The following KCNIP4 variants were observed in gnomAD, a reference collection of about 807,000 sequenced individuals.
The protein encoded by KCNIP4 is potassium voltage-gated channel interacting protein 4.
A neutral mutation model predicts 34.0 loss-of-function variants in KCNIP4; 12 were observed. The observed-to-expected ratio is 0.35, with a 90% confidence interval of 0.23 to 0.57. The LOEUF (loss-of-function observed/expected upper bound fraction) is 0.57, where lower values mean the gene tolerates loss of function less well. Among genes scored for constraint, KCNIP4 ranks in the 20% least tolerant of loss-of-function variants. The pLI is 0.83. For missense variants in KCNIP4, 238 were observed against 311.7 expected (o/e 0.76, Z 1.78); for synonymous variants, 124 against 102.2 (o/e 1.21, Z -1.29).
chr4:21,534,309 A>T (rs1040665549), intron 1 of KCNIP4, among the ~76,000 whole-genome samples: 4 of 152,220 alleles, frequency 2.6e-5, no homozygotes, highest in Non-Finnish European at 4.4e-5. Flanking sequence ...CTAGAAGAGC[A>T]TATCAGTAAT....
chr4:21,316,141 A>G (rs1386852493), intron 1 of KCNIP4: 2 of 152,126 alleles, frequency 1.3e-5, no homozygotes, highest in East Asian at 3.9e-4. Context: ...GACAAGATTA[A>G]CCCCTTCTTC....
chr4:21,428,826 AT>A (rs1726157371), intron 1 of KCNIP4, among the ~76,000 whole-genome samples: 1 of 152,268 alleles, frequency 6.6e-6, no homozygotes, highest in African/African-American at 2.4e-5. Context: ...AATAGACTTT[AT>A]TTTTTAGAGA....
intron 3 of KCNIP4, among the ~76,000 whole-genome samples, chr4:20,765,433 G>A (rs925666914): frequency 6.6e-6 from 1 of 152,142 alleles, no homozygotes; most frequent in Non-Finnish European, 1.5e-5. Context: ...TCAAAATTGG[G>A]ATCACCGATT....
intron 1 of KCNIP4, among the ~76,000 whole-genome samples, chr4:21,686,467 T>C (rs562848372): frequency 1.3e-5 from 2 of 152,320 alleles, no homozygotes; most frequent in Admixed American, 6.5e-5. Context: ...GATATAACTA[T>C]GTATTTTTTA....
intron 1 of KCNIP4, among the ~76,000 whole-genome samples, chr4:21,882,949 A>T (rs1726544484): frequency 6.6e-6 from 1 of 152,028 alleles, no homozygotes; most frequent in Non-Finnish European, 1.5e-5. Flanking sequence ...ATACCTGATT[A>T]TTTTTTTCCC....
intron 1 of KCNIP4, among the ~76,000 whole-genome samples, chr4:21,815,070 G>A (rs574030964): frequency 1.3e-5 from 2 of 152,090 alleles, no homozygotes; most frequent in African/African-American, 4.8e-5. Flanking sequence ...TATTATGCCT[G>A]TTATTAATTC....
At chr4:21,071,616 G>T (rs949190008) in intron 1 of KCNIP4, among the ~76,000 whole-genome samples, 3 of 151,934 alleles carry the variant, frequency 2.0e-5, no homozygotes, top group African/African-American at 7.3e-5. Context: ...ATATATATCT[G>T]TTGGGATTTT....
intron 1 of KCNIP4, among the ~76,000 whole-genome samples, chr4:21,048,760 G>C (rs150990480): frequency 1.2e-4 from 19 of 152,150 alleles, no homozygotes; most frequent in African/African-American, 3.9e-4. Context: ...AAACAATACG[G>C]CAGAAGTGAC....
At chr4:21,472,529 T>C (rs1222888046) in intron 1 of KCNIP4, among the ~76,000 whole-genome samples, 1 of 152,156 alleles carries the variant, frequency 6.6e-6, no homozygotes, top group East Asian at 1.9e-4. Flanking sequence ...TTATGTTAGA[T>C]GATGAGGTTT....
At chr4:20,756,511 C>T (rs1754466764) in intron 4 of KCNIP4, among the ~76,000 whole-genome samples, 1 of 152,158 alleles carries the variant, frequency 6.6e-6, no homozygotes, top group Non-Finnish European at 1.5e-5. Context: ...CCACTGGTAT[C>T]TACCCAGCAC....
intron 4 of KCNIP4, among the ~76,000 whole-genome samples, chr4:20,753,728 C>T (rs1196989208): frequency 6.6e-6 from 1 of 151,454 alleles, no homozygotes. Context: ...CTCTGTAAAT[C>T]ACCCTGAAAA....
intron 1 of KCNIP4, among the ~76,000 whole-genome samples, chr4:21,242,323 T>C (rs751241264): frequency 2.0e-5 from 3 of 152,074 alleles, no homozygotes; most frequent in Non-Finnish European, 2.9e-5. Flanking sequence ...AAAAGAAATC[T>C]TTGCTATCTG....
chr4:20,742,831 A>C (rs556590937), intron 5 of KCNIP4, among the ~76,000 whole-genome samples: 3 of 152,304 alleles, frequency 2.0e-5, no homozygotes, highest in East Asian at 1.9e-4. Flanking sequence ...GTCTCAGCCC[A>C]AAATCTCCTT....
chr4:21,512,038 G>A (rs980837708), intron 1 of KCNIP4, among the ~76,000 whole-genome samples: 2 of 149,464 alleles, frequency 1.3e-5, no homozygotes, highest in African/African-American at 2.5e-5. Context: ...AGAGAAGGAA[G>A]GAGGGAAGGA....
intron 1 of KCNIP4, among the ~76,000 whole-genome samples, chr4:21,254,889 G>C (rs193260185): frequency 6.6e-6 from 1 of 152,036 alleles, no homozygotes; most frequent in Admixed American, 6.6e-5. Flanking sequence ...TCCCATTGTC[G>C]CTATCTTCTA....
rs184626779 is a variant in KCNIP4, at chr4:21,473,129, C to T, written c.61+475442G>A. Among the ~76,000 whole-genome samples the T allele has an allele frequency of 2.0e-5, 3 of 152,206 alleles. No individual in the cohort carries two copies. The East Asian group carries it at 5.8e-4, about 29-fold the overall frequency. ...GAAATTGCTCCATTATACTGGATAT[C>T]GAAATGAAGATGACTTGGAGCAAAG... On this transcript the variant is annotated intron_variant, in intron 1 of 8. Coordinates refer to ENST00000382152, the MANE Select transcript of KCNIP4 (RefSeq NM_025221.6).
At chr4:20,968,160 A>C (rs1734563653) in intron 1 of KCNIP4, among the ~76,000 whole-genome samples, 1 of 152,236 alleles carries the variant, frequency 6.6e-6, no homozygotes, top group African/African-American at 2.4e-5. Context: ...TATGCAGCCA[A>C]AAGACACATG....
At chr4:21,922,940 C>T (rs992633102) in intron 1 of KCNIP4, among the ~76,000 whole-genome samples, 1 of 152,180 alleles carries the variant, frequency 6.6e-6, no homozygotes, top group African/African-American at 2.4e-5. Context: ...ACCCGAAAGT[C>T]AAGTTTTACT....
intron 1 of KCNIP4, among the ~76,000 whole-genome samples, chr4:21,793,615 T>C (rs1385465664): frequency 6.6e-6 from 1 of 152,324 alleles, no homozygotes; most frequent in Non-Finnish European, 1.5e-5. Flanking sequence ...ACATATCTTA[T>C]AATTTAAGAG....
Sources: gnomAD v4.1 joint callset for allele counts (sites outside exome capture counted in the v4.1 genomes callset) on GRCh38, gnomAD v4.1.1 for gene constraint, MANE v1.5 for transcripts, NCBI Gene and HGNC (gene_info 2026-07-23, HGNC 2026-07-21) for gene names.